Variants in CNNM3 observed in about 807,000 individuals in gnomAD.
The protein encoded by CNNM3 is cyclin and CBS domain divalent metal cation transport mediator 3, also known as metal transporter CNNM3.
A neutral mutation model predicts 57.1 loss-of-function variants in CNNM3; 47 were observed. That is an observed-to-expected ratio of 0.82 (90% CI 0.65 to 1.05). CNNM3 has a LOEUF of 1.05. Ranked by LOEUF, CNNM3 falls within the 50% of genes least tolerant of loss-of-function variation. The pLI, the probability that CNNM3 is intolerant of heterozygous loss-of-function variation, is 0.00. For missense variants in CNNM3, 957 were observed against 973.7 expected (o/e 0.98, Z 0.23); for synonymous variants, 507 against 478.2 (o/e 1.06, Z -0.79).
At chr2:96,827,133 T>C in intron 3 of CNNM3, 151 bp downstream of exon 3, 1 of 866,400 alleles carries the variant, frequency 1.2e-6, no homozygotes. Flanking sequence ...TGCCAGCATC[T>C]TGGGTCATGG....
At chr2:96,829,424 C>G in intron 7 of CNNM3, 2 of 183,096 alleles carry the variant, frequency 1.1e-5, no homozygotes, top group Non-Finnish European at 2.1e-5. Context: ...TCTCAGACTC[C>G]TGAGTAGCTG....
At chr2:96,832,203 CT>C in intron 7 of CNNM3, 1 of 1,054,424 alleles carries the variant, frequency 9.5e-7, no homozygotes, top group Non-Finnish European at 1.1e-6. Context: ...CCCTTCCATC[CT>C]TCTGGAAGAC....
Position 96,833,402 on chromosome 2 carries a change from C to T in CNNM3, c.*786C>T. On this transcript the variant is annotated 3_prime_UTR_variant, in exon 8 of 8. Transcript: ENST00000305510. ...AGGGATCGTCATGCTGCATCGAATC[C>T]TCTCTCCGCCGTGTGGCCCCCAGGA... 1 of 217,914 alleles carries T rather than the reference C, an allele frequency of 4.6e-6. No individual in the cohort carries two copies. The highest frequency in any genetic ancestry group is 1.3e-4 in the East Asian group (1 of 7,742). 13.5% of individuals were successfully genotyped at this position (217,914 alleles called of 1,614,324 possible).
At chr2:96,821,980 A>G (rs1172469459) in intron 1 of CNNM3, among the ~76,000 whole-genome samples, 2 of 151,026 alleles carry the variant, frequency 1.3e-5, no homozygotes, top group Non-Finnish European at 2.9e-5. Context: ...TTAATGTACA[A>G]AAGAACATTA....
chr2:96,817,324 C>T lies in CNNM3; in HGVS notation c.1047C>T (p.Ile349=), dbSNP rs1252571310. The T allele has an allele frequency of 6.2e-7, 1 of 1,613,980 alleles. No homozygotes were observed. The highest frequency in any genetic ancestry group is 8.5e-7 in the Non-Finnish European group (1 of 1,180,048). The change falls in exon 1 of 8, where the codon ATC becomes ATT. Residue 349 remains isoleucine (I), a synonymous_variant. Coordinates refer to ENST00000305510, the MANE Select transcript of CNNM3 (RefSeq NM_017623.5). ...TCATGCAGAGCGGCCACACGCGCATCCCGGTGTACGAGGAGGAGCGCTCCA... is the reference window on the plus strand; with the variant it reads ...TCATGCAGAGCGGCCACACGCGCATTCCGGTGTACGAGGAGGAGCGCTCCA... The part of the protein sequence containing the change: ...ASIMQSGHTR[I]PVYEEERSNI...
At position 96,827,909 on chromosome 2, in the gene CNNM3, G is replaced by C; in HGVS notation, c.1689+9G>C. ...TCATTCTCATCCTGCAGGTAGCTGT[G>C]GGTCCCAGGCCTGGAGTCCCTCCTG... On this transcript the variant is annotated intron_variant, in intron 4 of 7. Coordinates refer to ENST00000305510, the MANE Select transcript of CNNM3 (RefSeq NM_017623.5). 5.6e-6 allele frequency: 9 copies of C among 1,608,988 alleles called. No individual in the cohort carries two copies. The highest frequency in any genetic ancestry group is 7.7e-6 in the Non-Finnish European group (9 of 1,176,292).
intron 7 of CNNM3, among the ~76,000 whole-genome samples, chr2:96,830,239 C>T (rs1238312119): frequency 6.6e-6 from 1 of 151,840 alleles, no homozygotes. Flanking sequence ...CTTGCCTCCT[C>T]CCACCCCCAC....
At position 96,825,042 on chromosome 2, in the gene CNNM3, T is replaced by C. The variant is rs747934229; in HGVS notation, c.1226-16T>C. On this transcript the variant is annotated splice_polypyrimidine_tract_variant and intron_variant, in intron 1 of 7. Transcript: ENST00000305510. ...GGGGCCCAGCAAGCTGTTCCATGAG[T>C]GTCCTCCCCCCACAGGGAAGTCCCA... is the stretch of plus-strand genomic sequence containing the variant. The C allele has an allele frequency of 6.2e-7, 1 of 1,611,776 alleles. No individual in the cohort carries two copies. The highest frequency in any genetic ancestry group is 8.5e-7 in the Non-Finnish European group (1 of 1,179,820).
downstream of CNNM3, among the ~76,000 whole-genome samples, chr2:96,835,506 T>C (rs2079677900): frequency 6.6e-6 from 1 of 152,026 alleles, no homozygotes; most frequent in Admixed American, 6.6e-5. Context: ...TCTCACTCTT[T>C]TGCCCAGGCT....
chr2:96,821,611 G>T (rs2079407331), intron 1 of CNNM3, among the ~76,000 whole-genome samples: 2 of 152,132 alleles, frequency 1.3e-5, no homozygotes, highest in African/African-American at 4.8e-5. Flanking sequence ...AAATAACTTG[G>T]ACAGCTGCTC....
In CNNM3 at chr2:96,816,452, G is replaced by A; in HGVS notation, c.175G>A (p.Asp59Asn). 1 of 1,440,928 alleles carries A rather than the reference G, an allele frequency of 6.9e-7. No individual in the cohort carries two copies. Among genetic ancestry groups the A allele is most frequent in the East Asian group, 3.0e-5 (1 of 32,956 alleles). 89.3% of individuals were successfully genotyped at this position (1,440,928 alleles called of 1,614,324 possible). A position where few individuals can be genotyped will look rare whatever the true frequency, so the allele number is the denominator to read the frequency against. ...CGGAGGGGCGGCGCGGGACACGCCGGACGCCACCTTCCTCCTGCGCCTCTT... is the reference window on the plus strand; with the variant it reads ...CGGAGGGGCGGCGCGGGACACGCCGAACGCCACCTTCCTCCTGCGCCTCTT... ...VRGGAARDTP[D>N]ATFLLRLFGP... is the part of the protein sequence containing the mutation. Residue 59 changes from aspartate to asparagine, a missense_variant, in exon 1 of 8, where the codon GAC becomes AAC. Transcript: ENST00000305510.
At position 96,825,334 on chromosome 2, in the gene CNNM3, C is replaced by G. The variant is rs924173011; in HGVS notation, c.1369+133C>G. ...ATCCACAGCCAGGCCCCCTTCTGAG[C>G]CCTGCATGGGTGCTGGCAGAGAGCC... On this transcript the variant is annotated intron_variant, in intron 2 of 7. Transcript: ENST00000305510. 1.1e-5 allele frequency: 12 copies of G among 1,123,380 alleles called. No homozygotes were observed. In the African/African-American group the frequency reaches 1.6e-4, roughly 15 times the overall value. The allele number at this position is 1,123,380 out of a possible 1,614,324, so 69.6% of individuals were successfully genotyped here. A position where few individuals can be genotyped will look rare whatever the true frequency, so the allele number is the denominator to read the frequency against.
intron 1 of CNNM3, among the ~76,000 whole-genome samples, chr2:96,820,350 G>A (rs1349936693): frequency 6.6e-6 from 1 of 152,212 alleles, no homozygotes; most frequent in African/African-American, 2.4e-5. Context: ...GTGGGGAGCA[G>A]GTTTTGGCCA....
At chr2:96,832,003 T>C in intron 7 of CNNM3, 1 of 986,424 alleles carries the variant, frequency 1.0e-6, no homozygotes, top group Non-Finnish European at 1.2e-6. Flanking sequence ...TTGGCACAGT[T>C]GGAAACTGCA....
Position 96,834,645 on chromosome 2 carries a change from A to G in CNNM3, c.*2029A>G, listed in dbSNP as rs1286663988. 9.8e-6 allele frequency among the ~76,000 whole-genome samples: 1 copy of G among 102,078 alleles called. No homozygotes were observed. Among genetic ancestry groups the G allele is most frequent in the Non-Finnish European group, 1.6e-5 (1 of 61,326 alleles). 67.0% of individuals were successfully genotyped at this position (102,078 alleles called of 152,430 possible). On this transcript the variant is annotated 3_prime_UTR_variant, in exon 8 of 8. Transcript: ENST00000305510. ...ATTATAGGCGTGAGCCACCGTGCCC[A>G]GATTCACAGAAGTTTCATACACCTT...
Position 96,832,600 on chromosome 2 carries a change from G to A in CNNM3, c.2108G>A (p.Arg703Gln), listed in dbSNP as rs926624351. 8 of 1,614,032 alleles carry A rather than the reference G, an allele frequency of 5.0e-6. No homozygotes were observed. Among genetic ancestry groups the A allele is most frequent in the South Asian group, 1.1e-5 (1 of 91,082 alleles). Reference sequence around the variant, plus strand: ...GTCCCGGTGGAAGGCAGCCCTGGGCGGAACCCAGGCGTTTAACGGCTCACT... The same window carrying A: ...GTCCCGGTGGAAGGCAGCCCTGGGCAGAACCCAGGCGTTTAACGGCTCACT... The part of the protein sequence containing the change: ...PGVPVEGSPG[R>Q]NPGV The change falls in exon 8 of 8, where the codon CGG (arginine) becomes CAG (glutamine). Residue 703 changes from arginine (R) to glutamine (Q), a missense_variant. By Grantham distance (43) the Arg-to-Gln change is conservative. Around this residue, in one of 2 missense-constraint regions of CNNM3, gnomAD observed 491 missense variants for 570.6 expected, o/e 0.86. Transcript: ENST00000305510.
chr2:96,832,936 C>T lies in CNNM3; in HGVS notation c.*320C>T, dbSNP rs773901940. On this transcript the variant is annotated 3_prime_UTR_variant, in exon 8 of 8. Transcript: ENST00000305510. ...CTTCTCCCCCGGGGCAGGGACAGTG[C>T]GGCATATTCAGATTCAGACCTCTTT... is the stretch of plus-strand genomic sequence containing the variant. 7.1e-6 allele frequency: 10 copies of T among 1,402,564 alleles called. No homozygotes were observed. The highest frequency in any genetic ancestry group is 6.1e-5 in the South Asian group (5 of 82,016). 86.9% of individuals were successfully genotyped at this position (1,402,564 alleles called of 1,614,324 possible). A position where few individuals can be genotyped will look rare whatever the true frequency, so the allele number is the denominator to read the frequency against.
intron 3 of CNNM3, among the ~76,000 whole-genome samples, chr2:96,827,285 A>T (rs1423117123): frequency 4.9e-5 from 7 of 142,108 alleles, no homozygotes; most frequent in Non-Finnish European, 6.2e-5. Flanking sequence ...TTTTTTTTTT[A>T]AAGATAGGGT....
chr2:96,837,159 C>T (rs539108059), downstream of CNNM3: 8 of 152,196 alleles, frequency 5.3e-5, no homozygotes, highest in African/African-American at 1.9e-4. Flanking sequence ...GATTCCTCCT[C>T]TCACTCTATT....
Sources: allele counts gnomAD v4.1 joint callset (sites outside exome capture counted in the v4.1 genomes callset), GRCh38; gene constraint gnomAD v4.1.1; regional missense constraint gnomAD v4.1.1; transcripts MANE v1.5; gene names NCBI Gene and HGNC (gene_info 2026-07-23, HGNC 2026-07-21).